The following PTPRT variants were observed in gnomAD, a reference collection of about 807,000 sequenced individuals.
The protein encoded by PTPRT is receptor-type tyrosine-protein phosphatase T.
Under a neutral mutation model 176.8 loss-of-function variants are expected in PTPRT, and 56 were observed. The observed-to-expected ratio is 0.32, with a 90% CI of 0.26 to 0.40. The LOEUF (loss-of-function observed/expected upper bound fraction) is 0.40. Among genes scored for constraint, PTPRT ranks in the 10% least tolerant of loss-of-function variants. The probability of loss-of-function intolerance (pLI) is 1.00; values close to 1 mark genes in which losing one functional copy is unlikely to be tolerated. For synonymous variants in PTPRT, 783 were observed against 739.0 expected (o/e 1.06, Z -0.96); for missense variants, 1,540 against 1,908.2 (o/e 0.81, Z 3.60).
chr20:43,024,719 G>T (rs569106455), intron 1 of PTPRT, among the ~76,000 whole-genome samples: 1 of 152,168 alleles, frequency 6.6e-6, no homozygotes, highest in South Asian at 2.1e-4. Flanking sequence ...CTATTCCATT[G>T]GGCCTGCCCA....
intron 17 of PTPRT, among the ~76,000 whole-genome samples, chr20:42,159,075 T>G (rs1189995800): frequency 1.3e-5 from 2 of 151,700 alleles, no homozygotes; most frequent in Non-Finnish European, 2.9e-5. Context: ...TTCTTACATA[T>G]GTGTTTCTCA....
At chr20:43,125,727 C>T (rs763427086) in intron 1 of PTPRT, among the ~76,000 whole-genome samples, 1 of 152,300 alleles carries the variant, frequency 6.6e-6, no homozygotes, top group Non-Finnish European at 1.5e-5. Flanking sequence ...AATTGAGTTT[C>T]TATTAGAAGT....
intron 11 of PTPRT, among the ~76,000 whole-genome samples, chr20:42,347,193 G>A (rs2058206892): frequency 6.6e-6 from 1 of 152,164 alleles, no homozygotes; most frequent in South Asian, 2.1e-4. Context: ...GGTAGGTGAG[G>A]ATCAGATAAT....
At chr20:42,470,358 A>G (rs2071171744) in intron 8 of PTPRT, among the ~76,000 whole-genome samples, 1 of 152,158 alleles carries the variant, frequency 6.6e-6, no homozygotes, top group South Asian at 2.1e-4. Flanking sequence ...CTGAAGGCTC[A>G]GGTTGCAGCC....
intron 7 of PTPRT, among the ~76,000 whole-genome samples, chr20:42,641,079 A>G (rs2074736402): frequency 6.6e-6 from 1 of 152,170 alleles, no homozygotes. Context: ...AGCCATTACC[A>G]TAGTGTTGGG....
chr20:42,239,825 G>T (rs990147045), intron 14 of PTPRT, among the ~76,000 whole-genome samples: 1 of 152,060 alleles, frequency 6.6e-6, no homozygotes, highest in Admixed American at 6.6e-5. Flanking sequence ...ATGTCAAAAC[G>T]TTATCTCTTT....
At chr20:42,649,869 C>T in intron 7 of PTPRT, among the ~76,000 whole-genome samples, 1 of 152,154 alleles carries the variant, frequency 6.6e-6, no homozygotes, top group South Asian at 2.1e-4. Flanking sequence ...TGCCTTAGCT[C>T]CTGGATGCAG....
chr20:42,450,158 C>T lies in PTPRT; in HGVS notation c.1451-1829G>A, dbSNP rs112681508. Among the ~76,000 whole-genome samples the T allele has an allele frequency of 6.5e-3, 984 of 152,264 alleles. 12 individuals are homozygous for T. The highest frequency in any genetic ancestry group is 0.022 in the African/African-American group (928 of 41,548). On this transcript the variant is annotated intron_variant, in intron 8 of 30. Transcript: ENST00000373187. ...TTGGGCATTAAAGTTGGTTTGAATTCTTCATGATTTTGAGCAATGCTGGAA... is the reference window on the plus strand; with the variant it reads ...TTGGGCATTAAAGTTGGTTTGAATTTTTCATGATTTTGAGCAATGCTGGAA...
rs869293740 is a variant in PTPRT, at chr20:43,129,613, C to CTTTTTT, written c.88+60027_88+60032dup. Among the ~76,000 whole-genome samples the CTTTTTT allele has an allele frequency of 1.1e-3, 100 of 87,270 alleles. 2 individuals carry two copies. The highest frequency in any genetic ancestry group is 4.3e-3 in the East Asian group (10 of 2,312). The allele number at this position is 87,270 out of a possible 152,430, so 57.3% of individuals were successfully genotyped here. A position where few individuals can be genotyped will look rare whatever the true frequency, so the allele number is the denominator to read the frequency against. On this transcript the variant is annotated intron_variant, in intron 1 of 30. Transcript: ENST00000373187. ...CTCCCCTCCCCGACTCCAAAGAGTT[C>CTTTTTT]TTTTTTTTTTTTTTTTTTTTTTTGA...
intron 2 of PTPRT, among the ~76,000 whole-genome samples, chr20:42,853,246 T>C (rs1482699900): frequency 2.0e-5 from 3 of 152,086 alleles, no homozygotes; most frequent in Non-Finnish European, 2.9e-5. Flanking sequence ...TTAGTTAAGG[T>C]TCTCCAGAGA....
chr20:43,102,323 C>T (rs997048747), intron 1 of PTPRT, among the ~76,000 whole-genome samples: 3 of 151,580 alleles, frequency 2.0e-5, no homozygotes, highest in Non-Finnish European at 4.4e-5. Flanking sequence ...CACACACATA[C>T]ACTTCCTATG....
chr20:42,784,400 T>C (rs1327729657), intron 3 of PTPRT, among the ~76,000 whole-genome samples: 6 of 152,268 alleles, frequency 3.9e-5, no homozygotes, highest in Admixed American at 1.3e-4. Context: ...TCTTAGAACA[T>C]AAATATACAT....
intron 12 of PTPRT, among the ~76,000 whole-genome samples, chr20:42,300,509 A>G (rs1242390538): frequency 3.3e-5 from 5 of 152,064 alleles, no homozygotes; most frequent in Non-Finnish European, 7.4e-5. Flanking sequence ...ATGACAAAAG[A>G]ACCATCTTGA....
At chr20:42,337,158 C>T (rs1055927720) in intron 11 of PTPRT, among the ~76,000 whole-genome samples, 1 of 150,864 alleles carries the variant, frequency 6.6e-6, no homozygotes, top group African/African-American at 2.5e-5. Flanking sequence ...TTAGAAGCCC[C>T]CCCTTCCCTG....
At chr20:42,640,580 G>T (rs2074721248) in intron 7 of PTPRT, among the ~76,000 whole-genome samples, 1 of 151,926 alleles carries the variant, frequency 6.6e-6, no homozygotes, top group Non-Finnish European at 1.5e-5. Context: ...GCAGAGATAG[G>T]TTTTCACCAT....
At chr20:42,228,593 A>T (rs912143455) in intron 15 of PTPRT, among the ~76,000 whole-genome samples, 1 of 152,248 alleles carries the variant, frequency 6.6e-6, no homozygotes, top group Non-Finnish European at 1.5e-5. Flanking sequence ...AAAATAGGTG[A>T]TCTGAAAGCT....
chr20:42,558,474 G>C (rs761596409), intron 7 of PTPRT, among the ~76,000 whole-genome samples: 5 of 151,996 alleles, frequency 3.3e-5, no homozygotes, highest in Non-Finnish European at 5.9e-5. Context: ...ATATTCCTTT[G>C]AGTATAATCG....
the PTPRT span, among the ~76,000 whole-genome samples, chr20:42,048,534 G>A: frequency 2.0e-4 from 31 of 152,242 alleles, 1 homozygote; most frequent in African/African-American, 4.3e-4. Flanking sequence ...CTGCCACGTC[G>A]TGGGAGCTCA....
At chr20:42,796,522 C>T (rs2077456998) in intron 2 of PTPRT, among the ~76,000 whole-genome samples, 2 of 152,356 alleles carry the variant, frequency 1.3e-5, no homozygotes, top group East Asian at 1.9e-4. Context: ...AAGATTTAGA[C>T]TCAGATTTTC....
Sources: gnomAD v4.1 joint callset for allele counts (sites outside exome capture counted in the v4.1 genomes callset) on GRCh38, gnomAD v4.1.1 for gene constraint, MANE v1.5 for transcripts, NCBI Gene and HGNC (gene_info 2026-07-23, HGNC 2026-07-21) for gene names.